The following AUTS2 variants were observed in gnomAD, a reference collection of about 807,000 sequenced individuals.
AUTS2 encodes activator of transcription and developmental regulator AUTS2.
In AUTS2, 17 loss-of-function variants were observed where a neutral mutation model predicts 112.4. The ratio of observed to expected loss-of-function variants is 0.15; its 90% CI spans 0.10 to 0.23. The LOEUF is 0.23. AUTS2 is among the 10% of genes least tolerant of loss of function. The pLI, the probability that AUTS2 is intolerant of heterozygous loss-of-function variation, is 1.00. For synonymous variants in AUTS2, 751 were observed against 702.7 expected (o/e 1.07, Z -1.09); for missense variants, 1,510 against 1,701.6 (o/e 0.89, Z 1.98).
chr7:69,761,888 T>C (rs1452685479), intron 1 of AUTS2, among the ~76,000 whole-genome samples: 2 of 152,228 alleles, frequency 1.3e-5, no homozygotes, highest in African/African-American at 4.8e-5. Flanking sequence ...GATAAAGATT[T>C]TGGATGCATG....
chr7:70,095,269 TGTGTGCGTGCGTGCGCTCAC>T (rs1348259426), intron 2 of AUTS2, among the ~76,000 whole-genome samples: 2 of 152,188 alleles, frequency 1.3e-5, no homozygotes, highest in East Asian at 3.8e-4. Context: ...TGTGTGTGTG[TGTGTGCGTGCGTGCGCTCAC>T]GTGTGCGTGT....
rs1428175924 is a variant in AUTS2 at position 70,793,030 on chromosome 7, G to C, written c.*2034G>C. ...CTGACCACCCTACCCAACTCGGTTAGTGTCTCACCAATTTGTTACTATAAA... is the reference window on the plus strand; with the variant it reads ...CTGACCACCCTACCCAACTCGGTTACTGTCTCACCAATTTGTTACTATAAA... On this transcript the variant is annotated 3_prime_UTR_variant, in exon 19 of 19. Transcript: ENST00000342771. 2.0e-5 allele frequency: 3 copies of C among 152,460 alleles called. No homozygotes were observed. Among genetic ancestry groups the C allele is most frequent in the African/African-American group, 7.2e-5 (3 of 41,452 alleles). The allele number at this position is 152,460 out of a possible 1,614,324, so 9.4% of individuals were successfully genotyped here.
intron 5 of AUTS2, among the ~76,000 whole-genome samples, chr7:70,585,150 G>A (rs1302252085): frequency 6.6e-6 from 1 of 152,164 alleles, no homozygotes; most frequent in Non-Finnish European, 1.5e-5. Flanking sequence ...ATAGAAACAG[G>A]CCAATTAAGA....
intron 4 of AUTS2, among the ~76,000 whole-genome samples, chr7:70,135,752 G>A (rs1170371838): frequency 6.6e-6 from 1 of 152,124 alleles, no homozygotes; most frequent in African/African-American, 2.4e-5. Flanking sequence ...CCTACTTATT[G>A]TGGCTGAATA....
intron 5 of AUTS2, among the ~76,000 whole-genome samples, chr7:70,493,678 A>G (rs1798336642): frequency 6.6e-6 from 1 of 152,084 alleles, no homozygotes; most frequent in African/African-American, 2.4e-5. Flanking sequence ...ATCAGCCTGG[A>G]TGTGAATTCT....
intron 2 of AUTS2, among the ~76,000 whole-genome samples, chr7:70,099,406 G>A (rs191940487): frequency 2.0e-5 from 3 of 152,054 alleles, no homozygotes; most frequent in East Asian, 3.9e-4. Flanking sequence ...TGTTCTCTAC[G>A]TGTTGAATTT....
chr7:70,268,059 C>A (rs1015902692), intron 4 of AUTS2, among the ~76,000 whole-genome samples: 2 of 152,160 alleles, frequency 1.3e-5, no homozygotes, highest in Admixed American at 1.3e-4. Context: ...AAAATGAACT[C>A]GTTAGAGGCA....
At chr7:70,621,827 A>G (rs1028933594) in intron 5 of AUTS2, among the ~76,000 whole-genome samples, 18 of 142,890 alleles carry the variant, frequency 1.3e-4, no homozygotes, top group African/African-American at 4.4e-4. Flanking sequence ...ACGTTAGTGC[A>G]TAGTCATTCT....
At chr7:69,809,085 T>A (rs1002937057) in intron 1 of AUTS2, among the ~76,000 whole-genome samples, 1 of 152,080 alleles carries the variant, frequency 6.6e-6, no homozygotes, top group South Asian at 2.1e-4. Flanking sequence ...TTTCCTTTTT[T>A]TTTTTCTGAG....
At chr7:70,047,862 CAGAGT>C (rs968636348) in intron 2 of AUTS2, among the ~76,000 whole-genome samples, 4 of 152,064 alleles carry the variant, frequency 2.6e-5, no homozygotes, top group Non-Finnish European at 5.9e-5. Flanking sequence ...CTTGATTTTC[CAGAGT>C]AGAGTAGAGT....
At chr7:70,585,591 G>A (rs1802643873) in intron 5 of AUTS2, among the ~76,000 whole-genome samples, 4 of 152,146 alleles carry the variant, frequency 2.6e-5, no homozygotes. Flanking sequence ...CATCACCAAG[G>A]TGACCATAGG....
intron 2 of AUTS2, among the ~76,000 whole-genome samples, chr7:70,080,588 T>C: frequency 6.6e-6 from 1 of 152,334 alleles, no homozygotes; most frequent in East Asian, 1.9e-4. Context: ...GTAAATTTTA[T>C]AATAAATAGG....
chr7:70,269,491 C>T (rs1263010181), intron 4 of AUTS2, among the ~76,000 whole-genome samples: 1 of 152,200 alleles, frequency 6.6e-6, no homozygotes, highest in Non-Finnish European at 1.5e-5. Flanking sequence ...GAGTCTGACG[C>T]TCACTTGTCT....
chr7:70,253,209 TA>T (rs961085558), intron 4 of AUTS2, among the ~76,000 whole-genome samples: 1 of 152,172 alleles, frequency 6.6e-6, no homozygotes, highest in Non-Finnish European at 1.5e-5. Flanking sequence ...TGTTATGGCA[TA>T]ACAAGATGTC....
At chr7:69,951,001 C>G in intron 2 of AUTS2, among the ~76,000 whole-genome samples, 1 of 151,514 alleles carries the variant, frequency 6.6e-6, no homozygotes. Context: ...AGGCTCCCTG[C>G]TCATGAGGAA....
intron 4 of AUTS2, among the ~76,000 whole-genome samples, chr7:70,185,009 T>G (rs771288139): frequency 6.6e-5 from 10 of 152,196 alleles, no homozygotes; most frequent in Non-Finnish European, 1.2e-4. Flanking sequence ...TTTGATACTT[T>G]GCAATATAGT....
intron 2 of AUTS2, among the ~76,000 whole-genome samples, chr7:69,998,604 G>A (rs1290277119): frequency 1.3e-5 from 2 of 152,200 alleles, no homozygotes; most frequent in East Asian, 3.8e-4. Flanking sequence ...AATATTTATT[G>A]AGCTCCTAAC....
rs150368538 is a variant in AUTS2 at position 70,427,300 on chromosome 7, T to C, written c.661-8452T>C. ...ATTTACAAATCACCGGGCCCCAGAC[T>C]GTCAGTTTTACCTTTGGACAAGATA... On this transcript the variant is annotated intron_variant, in intron 4 of 18. Coordinates refer to ENST00000342771, the MANE Select transcript of AUTS2 (RefSeq NM_015570.4). Among the ~76,000 whole-genome samples the C allele has an allele frequency of 3.3e-3, 496 of 152,356 alleles. 3 individuals are homozygous for C. Among genetic ancestry groups the C allele is most frequent in the African/African-American group, 0.011 (468 of 41,582 alleles).
chr7:70,243,566 TA>T (rs961226448), intron 4 of AUTS2, among the ~76,000 whole-genome samples: 3 of 152,160 alleles, frequency 2.0e-5, no homozygotes, highest in Admixed American at 6.5e-5. Flanking sequence ...TTACTCAGGC[TA>T]ACCTTGACTG....
Sources: allele counts gnomAD v4.1 joint callset (sites outside exome capture counted in the v4.1 genomes callset), GRCh38; gene constraint gnomAD v4.1.1; transcripts MANE v1.5; gene names NCBI Gene and HGNC (gene_info 2026-07-23, HGNC 2026-07-21).